GLIS3: variants seen among roughly 807,000 people sequenced by gnomAD.
The protein encoded by GLIS3 is zinc finger protein GLIS3.
Under a neutral mutation model 78.6 loss-of-function variants are expected in GLIS3, and 53 were observed. The ratio of observed to expected loss-of-function variants is 0.67; its 90% confidence interval spans 0.54 to 0.85. GLIS3 has a LOEUF of 0.85. Ranked by LOEUF, GLIS3 falls within the 40% of genes least tolerant of loss-of-function variation. The pLI is 0.00. For missense variants in GLIS3, 1,703 were observed against 1,231.1 expected, an observed-to-expected ratio of 1.38 and a Z score of -5.74; for synonymous variants, 684 against 509.9, an observed-to-expected ratio of 1.34 and a Z score of -4.60.
At chr9:4,252,124 T>A (rs1824456006) in intron 2 of GLIS3, among the ~76,000 whole-genome samples, 1 of 152,170 alleles carries the variant, frequency 6.6e-6, no homozygotes, top group East Asian at 1.9e-4. Flanking sequence ...TGGTGTTCTC[T>A]GTATTTCCAG....
intron 2 of GLIS3, chr9:4,285,560 T>C (rs1827911920): frequency 6.5e-6 from 1 of 152,710 alleles, no homozygotes; most frequent in Non-Finnish European, 1.5e-5. Flanking sequence ...TTATTGGTTA[T>C]TAAAATTTCC....
chr9:4,000,803 G>A (rs927376935), intron 4 of GLIS3, among the ~76,000 whole-genome samples: 13 of 152,162 alleles, frequency 8.5e-5, no homozygotes, highest in African/African-American at 3.1e-4. Flanking sequence ...TGTACCTGCA[G>A]CTTCCTCTGC....
intron 2 of GLIS3, among the ~76,000 whole-genome samples, chr9:4,273,421 C>G (rs1185678318): frequency 1.3e-5 from 2 of 151,794 alleles, no homozygotes; most frequent in Admixed American, 6.6e-5. Context: ...ACAGGGAGAC[C>G]CCATCTCCAC....
At chr9:3,925,792 TAA>T (rs1284212747) in intron 6 of GLIS3, among the ~76,000 whole-genome samples, 1 of 152,260 alleles carries the variant, frequency 6.6e-6, no homozygotes, top group Admixed American at 6.5e-5. Flanking sequence ...TGTTTAATGT[TAA>T]AAGTGTTTGA....
At chr9:3,964,442 G>A (rs1817781732) in intron 4 of GLIS3, among the ~76,000 whole-genome samples, 1 of 152,150 alleles carries the variant, frequency 6.6e-6, no homozygotes, top group Non-Finnish European at 1.5e-5. Context: ...AACAAATGAA[G>A]AGAATTCTAC....
At chr9:4,064,669 C>G (rs1426770207) in intron 4 of GLIS3, among the ~76,000 whole-genome samples, 5 of 152,102 alleles carry the variant, frequency 3.3e-5, no homozygotes, top group African/African-American at 1.2e-4. Context: ...TGGCGCACAC[C>G]TGTAATCCCA....
the GLIS3 span, among the ~76,000 whole-genome samples, chr9:4,355,322 T>C: frequency 6.6e-6 from 1 of 152,098 alleles, no homozygotes; most frequent in Non-Finnish European, 1.5e-5. Context: ...TGTGTAAACT[T>C]ACAGGGCTCC....
intron 2 of GLIS3, among the ~76,000 whole-genome samples, chr9:4,242,955 T>C (rs1221095694): frequency 6.6e-6 from 1 of 152,210 alleles, no homozygotes; most frequent in Non-Finnish European, 1.5e-5. Flanking sequence ...TATTAGATAG[T>C]ACTACTCTTG....
At chr9:4,247,211 T>A (rs552799561) in intron 2 of GLIS3, among the ~76,000 whole-genome samples, 74 of 152,300 alleles carry the variant, frequency 4.9e-4, no homozygotes, top group African/African-American at 1.8e-3. Context: ...TGAATTCTCT[T>A]AATAGCTGTT....
At chr9:4,398,548 C>T in the GLIS3 span, among the ~76,000 whole-genome samples, 1 of 152,008 alleles carries the variant, frequency 6.6e-6, no homozygotes, top group African/African-American at 2.4e-5. Context: ...TCTTCTTCCA[C>T]CCCCTGCTCC....
rs556307955 is a variant in GLIS3 at position 3,936,951 on chromosome 9, C to A, written c.1872+77G>T. 39 of 1,582,722 alleles carry A rather than the reference C, an allele frequency of 2.5e-5. No individual in the cohort carries two copies. In the South Asian group the frequency reaches 4.0e-4, roughly 16 times the overall value. On this transcript the variant is annotated intron_variant, in intron 5 of 10. Transcript: ENST00000381971. ...CCTGCAGACCATAAAGCAAACACTTCACCAGCCCACTATCAAGCAGGCACT... is the reference window on the plus strand; with the variant it reads ...CCTGCAGACCATAAAGCAAACACTTAACCAGCCCACTATCAAGCAGGCACT...
the GLIS3 span, among the ~76,000 whole-genome samples, chr9:4,417,172 G>C: frequency 6.6e-6 from 1 of 152,026 alleles, no homozygotes; most frequent in South Asian, 2.1e-4. Context: ...GACTTTGAAG[G>C]GTATCGATTA....
At chr9:4,384,635 C>T in the GLIS3 span, among the ~76,000 whole-genome samples, 10 of 151,658 alleles carry the variant, frequency 6.6e-5, no homozygotes, top group Non-Finnish European at 1.5e-4. Flanking sequence ...CAGCAAGATG[C>T]CACCCACTGC....
chr9:4,194,104 C>G (rs1818579585), intron 2 of GLIS3, among the ~76,000 whole-genome samples: 1 of 152,168 alleles, frequency 6.6e-6, no homozygotes, highest in Admixed American at 6.5e-5. Flanking sequence ...GTCGCCCAGG[C>G]TGGAGTGCAG....
intron 8 of GLIS3, among the ~76,000 whole-genome samples, chr9:3,876,656 GAA>G (rs1300063426): frequency 3.6e-5 from 2 of 55,782 alleles, no homozygotes; most frequent in Non-Finnish European, 7.6e-5. Flanking sequence ...GAGAGAGAGA[GAA>G]AGAGAGAGAG....
chr9:4,113,132 G>C (rs1467986241), intron 4 of GLIS3, among the ~76,000 whole-genome samples: 1 of 151,628 alleles, frequency 6.6e-6, no homozygotes, highest in African/African-American at 2.4e-5. Context: ...TCACTCAACA[G>C]TGTTTTTTGA....
chr9:4,190,708 G>A (rs538099076), intron 2 of GLIS3, among the ~76,000 whole-genome samples: 1 of 152,160 alleles, frequency 6.6e-6, no homozygotes, highest in East Asian at 1.9e-4. Flanking sequence ...CTCGAGAAGA[G>A]CAACTCCAAG....
chr9:4,105,612 T>A (rs1196147269), intron 4 of GLIS3, among the ~76,000 whole-genome samples: 1 of 152,238 alleles, frequency 6.6e-6, no homozygotes, highest in Non-Finnish European at 1.5e-5. Context: ...TACCAAGATC[T>A]ATTTTCCTGA....
At chr9:4,151,945 G>C (rs1834715896) in intron 2 of GLIS3, 2 of 156,544 alleles carry the variant, frequency 1.3e-5, no homozygotes, top group East Asian at 1.9e-4. Flanking sequence ...AAAAGAATGA[G>C]AAGACATAAA....
Sources: gnomAD v4.1 joint callset for allele counts (sites outside exome capture counted in the v4.1 genomes callset) on GRCh38, gnomAD v4.1.1 for gene constraint, MANE v1.5 for transcripts, NCBI Gene and HGNC (gene_info 2026-07-23, HGNC 2026-07-21) for gene names.